ARID4B: variants seen among roughly 807,000 people sequenced by gnomAD.
ARID4B encodes the protein AT-rich interaction domain 4B, also known as AT-rich interactive domain-containing protein 4B.
In ARID4B, 26 loss-of-function variants were observed where a neutral mutation model predicts 147.5. That is an observed-to-expected ratio of 0.18 (90% confidence interval 0.13 to 0.24). ARID4B has a LOEUF of 0.24. Among genes scored for constraint, ARID4B ranks in the 10% least tolerant of loss-of-function variants. The pLI, the probability that ARID4B is intolerant of heterozygous loss-of-function variation, is 1.00. For missense variants in ARID4B, 1,179 were observed against 1,511.5 expected, an observed-to-expected ratio of 0.78 and a Z score of 3.65; for synonymous variants, 512 against 507.9, an observed-to-expected ratio of 1.01 and a Z score of -0.11.
chr1:235,305,589 ATCTC>A (rs573787507), intron 2 of ARID4B, among the ~76,000 whole-genome samples: 232 of 152,240 alleles, frequency 1.5e-3, no homozygotes, highest in African/African-American at 5.2e-3. Flanking sequence ...AAATTATATA[ATCTC>A]TCTCGGCCTT....
Position 235,200,590 on chromosome 1 carries a change from T to C in ARID4B, c.1842-4475A>G, listed in dbSNP as rs534582152. 2.6e-5 allele frequency among the ~76,000 whole-genome samples: 4 copies of C among 152,238 alleles called. No individual in the cohort carries two copies. In the South Asian group the frequency reaches 8.3e-4, roughly 32 times the overall value. On this transcript the variant is annotated intron_variant, in intron 17 of 23. Coordinates refer to ENST00000264183, the MANE Select transcript of ARID4B (RefSeq NM_016374.6). ...GGTGCCAATTAATTTAAGAAAGCAATATTAGTGGGTCAAGATTTCTCATTC... is the reference window on the plus strand; with the variant it reads ...GGTGCCAATTAATTTAAGAAAGCAACATTAGTGGGTCAAGATTTCTCATTC...
At chr1:235,284,341 CAG>C (rs1215919634) in intron 2 of ARID4B, among the ~76,000 whole-genome samples, 1 of 152,180 alleles carries the variant, frequency 6.6e-6, no homozygotes, top group Non-Finnish European at 1.5e-5. Flanking sequence ...GCCTCAGCGA[CAG>C]AGCGAGACTC....
chr1:235,264,905 A>G (rs1670505615), intron 2 of ARID4B, among the ~76,000 whole-genome samples: 1 of 151,806 alleles, frequency 6.6e-6, no homozygotes, highest in South Asian at 2.1e-4. Context: ...CTTAAAATAT[A>G]AAAAATTAGC....
At chr1:235,308,493 CCT>C (rs1558301771) in intron 2 of ARID4B, among the ~76,000 whole-genome samples, 1 of 148,790 alleles carries the variant, frequency 6.7e-6, no homozygotes. Flanking sequence ...TCTCCCTCTC[CCT>C]CTCTTTCCAC....
intron 17 of ARID4B, among the ~76,000 whole-genome samples, chr1:235,198,137 T>C (rs1665628297): frequency 6.6e-6 from 1 of 152,256 alleles, no homozygotes; most frequent in Non-Finnish European, 1.5e-5. Context: ...AGTCAGTTCA[T>C]GATGGCTGCA....
chr1:235,216,664 G>A (rs1054948210), intron 16 of ARID4B, among the ~76,000 whole-genome samples: 6 of 151,940 alleles, frequency 3.9e-5, no homozygotes, highest in African/African-American at 1.5e-4. Flanking sequence ...TATTAACAAT[G>A]TTATTGAAAA....
chr1:235,285,304 T>C (rs1236393894), intron 2 of ARID4B, among the ~76,000 whole-genome samples: 1 of 152,226 alleles, frequency 6.6e-6, no homozygotes, highest in African/African-American at 2.4e-5. Flanking sequence ...AATGGAGGAT[T>C]GTTCTAAAAT....
intron 2 of ARID4B, among the ~76,000 whole-genome samples, chr1:235,280,856 G>T (rs576173930): frequency 1.3e-5 from 2 of 152,248 alleles, no homozygotes; most frequent in South Asian, 4.1e-4. Context: ...TGTACAGAGA[G>T]GCCTTGTGTT....
intron 2 of ARID4B, among the ~76,000 whole-genome samples, chr1:235,282,930 G>A (rs1671753869): frequency 6.6e-6 from 1 of 152,054 alleles, no homozygotes; most frequent in Non-Finnish European, 1.5e-5. Context: ...ACAGGCGCCT[G>A]CCACCACACC....
chr1:235,213,970 T>A lies in ARID4B; in HGVS notation c.1640A>T (p.Glu547Val). The part of the protein sequence containing the change: ...EDDEEAEEEE[E>V]EEEEEEDEDD... ...TTCATCCTCTTCTTCTTCTTCCTCC[T>A]CCTCCTCCTCTTCTGCTTCTTCATC... The change falls in exon 17 of 24, where the codon GAG becomes GTG. Residue 547 changes from glutamate to valine, a missense_variant. Physicochemically the swap from Glu to Val is moderately radical, Grantham distance 121. Transcript: ENST00000264183. The A allele has an allele frequency of 6.3e-7, 1 of 1,594,420 alleles. No individual in the cohort carries two copies. Among genetic ancestry groups the A allele is most frequent in the Non-Finnish European group, 8.6e-7 (1 of 1,162,258 alleles).
chr1:235,248,600 TCA>T (rs1214818146), intron 6 of ARID4B, among the ~76,000 whole-genome samples: 1 of 152,160 alleles, frequency 6.6e-6, no homozygotes, highest in Non-Finnish European at 1.5e-5. Context: ...GAGATTTATA[TCA>T]CACAGTGTGA....
intron 2 of ARID4B, among the ~76,000 whole-genome samples, chr1:235,297,578 A>T (rs187272704): frequency 6.6e-6 from 1 of 152,308 alleles, no homozygotes; most frequent in Middle Eastern, 3.4e-3. Flanking sequence ...GTGAAAGTTG[A>T]TAAGAACTTT....
At chr1:235,276,297 G>T (rs954453920) in intron 2 of ARID4B, among the ~76,000 whole-genome samples, 1 of 150,698 alleles carries the variant, frequency 6.6e-6, no homozygotes, top group South Asian at 2.1e-4. Flanking sequence ...AGTAGCATTA[G>T]CAAACATTAG....
At chr1:235,198,895 T>C (rs907187381) in intron 17 of ARID4B, among the ~76,000 whole-genome samples, 2 of 151,930 alleles carry the variant, frequency 1.3e-5, no homozygotes, top group African/African-American at 4.8e-5. Flanking sequence ...AGGTCAGGAG[T>C]TCGAGACCAG....
At chr1:235,186,052 C>A (rs1664654267) in intron 19 of ARID4B, among the ~76,000 whole-genome samples, 1 of 151,786 alleles carries the variant, frequency 6.6e-6, no homozygotes, top group South Asian at 2.1e-4. Context: ...TCACTGCAAC[C>A]TCCACCTCCC....
intron 22 of ARID4B, 123 bp from the exon 23 acceptor site, chr1:235,172,887 T>G: frequency 3.8e-6 from 3 of 798,294 alleles, no homozygotes; most frequent in Non-Finnish European, 5.5e-6. Flanking sequence ...AACTAAGGCT[T>G]CTGAAATATT....
intron 2 of ARID4B, among the ~76,000 whole-genome samples, chr1:235,269,381 T>C (rs1406353925): frequency 6.6e-6 from 1 of 152,232 alleles, no homozygotes; most frequent in Non-Finnish European, 1.5e-5. Flanking sequence ...GAATTATTTT[T>C]AGTGGTGTAA....
intron 5 of ARID4B, among the ~76,000 whole-genome samples, chr1:235,253,590 G>T (rs546210858): frequency 1.3e-5 from 2 of 152,170 alleles, no homozygotes; most frequent in South Asian, 4.1e-4. Flanking sequence ...ACATTTATAT[G>T]ATTTTGTCAA....
intron 18 of ARID4B, 21 bp from the exon 19 acceptor site, chr1:235,194,232 T>A (rs368582051): frequency 9.8e-6 from 15 of 1,533,650 alleles, no homozygotes; most frequent in Non-Finnish European, 1.1e-5. Context: ...AAAAAAAGTA[T>A]GTCGTAATTT....
Sources: allele counts gnomAD v4.1 joint callset (sites outside exome capture counted in the v4.1 genomes callset), GRCh38; gene constraint gnomAD v4.1.1; transcripts MANE v1.5; gene names NCBI Gene and HGNC (gene_info 2026-07-23, HGNC 2026-07-21).